The following SNCAIP variants were observed in gnomAD, a reference collection of about 807,000 sequenced individuals.
SNCAIP encodes the protein synuclein alpha interacting protein.
Under a neutral mutation model 86.7 loss-of-function variants are expected in SNCAIP, and 43 were observed. The ratio of observed to expected loss-of-function variants is 0.50; its 90% confidence interval spans 0.39 to 0.64. The LOEUF (loss-of-function observed/expected upper bound fraction) is 0.64, where lower values mean the gene tolerates loss of function less well. Among genes scored for constraint, SNCAIP ranks in the 30% least tolerant of loss-of-function variants. The pLI, the probability that SNCAIP is intolerant of heterozygous loss-of-function variation, is 0.00. For missense variants in SNCAIP, 981 were observed against 1,103.1 expected (o/e 0.89, Z 1.57); for synonymous variants, 417 against 427.2 (o/e 0.98, Z 0.29).
At chr5:122,378,477 T>C (rs1181667223) in intron 1 of SNCAIP, among the ~76,000 whole-genome samples, 7 of 141,566 alleles carry the variant, frequency 4.9e-5, no homozygotes, top group Non-Finnish European at 7.7e-5. Flanking sequence ...AAATTTTCTC[T>C]CATTTTGTAG....
At chr5:122,338,104 A>G (rs575878724) in intron 1 of SNCAIP, among the ~76,000 whole-genome samples, 1 of 152,334 alleles carries the variant, frequency 6.6e-6, no homozygotes, top group South Asian at 2.1e-4. Flanking sequence ...TCAAGCAACT[A>G]TTACTTTATT....
chr5:122,414,202 C>G (rs373006335), intron 3 of SNCAIP, among the ~76,000 whole-genome samples: 1 of 152,080 alleles, frequency 6.6e-6, no homozygotes, highest in Non-Finnish European at 1.5e-5. Context: ...AGCCAGTGCG[C>G]CCAGCCAAGA....
At chr5:122,430,122 A>G (rs1778126192) in intron 5 of SNCAIP, among the ~76,000 whole-genome samples, 1 of 152,202 alleles carries the variant, frequency 6.6e-6, no homozygotes, top group Non-Finnish European at 1.5e-5. Flanking sequence ...GAATGAGCAG[A>G]TTACCTCATT....
rs138617765 is a variant in SNCAIP at position 122,342,822 on chromosome 5, A to G, written c.-47+30538A>G. On this transcript the variant is annotated intron_variant, in intron 1 of 10. Transcript: ENST00000261368. ...GCTTCCTTTTTTGTCACTCGTTTTC[A>G]TGGTGACAGTGGGATAAGAAGGCAT... 1.1e-4 allele frequency among the ~76,000 whole-genome samples: 17 copies of G among 152,304 alleles called. No individual in the cohort carries two copies. In the East Asian group the frequency reaches 3.3e-3, roughly 29 times the overall value.
intron 1 of SNCAIP, among the ~76,000 whole-genome samples, chr5:122,320,911 C>G (rs1752785771): frequency 6.6e-6 from 1 of 152,180 alleles, no homozygotes; most frequent in Non-Finnish European, 1.5e-5. Flanking sequence ...CAGGCAAGCA[C>G]AACTCAGAAA....
At chr5:122,428,591 TTTTA>T (rs1274592591) in intron 5 of SNCAIP, among the ~76,000 whole-genome samples, 1 of 151,862 alleles carries the variant, frequency 6.6e-6, no homozygotes, top group East Asian at 1.9e-4. Flanking sequence ...TACCTTTTAT[TTTTA>T]TTTATTTATT....
At chr5:122,414,096 G>A (rs948483493) in intron 3 of SNCAIP, among the ~76,000 whole-genome samples, 2 of 152,046 alleles carry the variant, frequency 1.3e-5, no homozygotes, top group African/African-American at 2.4e-5. Flanking sequence ...TCTTTGTAGA[G>A]ATGAGGATCT....
At chr5:122,435,635 AG>A (rs1779279618) in intron 6 of SNCAIP, among the ~76,000 whole-genome samples, 1 of 152,034 alleles carries the variant, frequency 6.6e-6, no homozygotes, top group South Asian at 2.1e-4. Context: ...TATTTTCTGT[AG>A]TTTAAATATT....
chr5:122,348,396 C>T (rs1177950505), intron 1 of SNCAIP, among the ~76,000 whole-genome samples: 3 of 152,060 alleles, frequency 2.0e-5, no homozygotes, highest in Admixed American at 2.0e-4. Context: ...CTGCCCTCAT[C>T]GTCTGAGTCC....
intron 2 of SNCAIP, among the ~76,000 whole-genome samples, chr5:122,395,076 C>T (rs1770308507): frequency 6.6e-6 from 1 of 152,130 alleles, no homozygotes; most frequent in African/African-American, 2.4e-5. Flanking sequence ...CCCTGATTGG[C>T]ACTGTAGTGA....
rs878997767 is a variant in SNCAIP, at chr5:122,452,757, T to G, written c.2754+1156T>G. On this transcript the variant is annotated intron_variant, in intron 10 of 10. Coordinates refer to ENST00000261368, the MANE Select transcript of SNCAIP (RefSeq NM_005460.4). ...CAGGTAACTTACTGGGTTCTGCTGC[T>G]CAGTAGTAACAGAAGAATCATCTCA... is the stretch of plus-strand genomic sequence containing the variant. Among the ~76,000 whole-genome samples the G allele has an allele frequency of 2.6e-5, 4 of 152,296 alleles. No homozygotes were observed. In the South Asian group the frequency reaches 8.3e-4, roughly 32 times the overall value.
intron 1 of SNCAIP, among the ~76,000 whole-genome samples, chr5:122,382,070 T>C (rs1481108597): frequency 6.6e-6 from 1 of 152,198 alleles, no homozygotes; most frequent in African/African-American, 2.4e-5. Context: ...CTGTATTTCC[T>C]TAATTTGAAT....
intron 1 of SNCAIP, among the ~76,000 whole-genome samples, chr5:122,354,566 C>T (rs1561566569): frequency 6.6e-6 from 1 of 152,164 alleles, no homozygotes; most frequent in Non-Finnish European, 1.5e-5. Context: ...TGCAACTTTT[C>T]AGCAAAGGCA....
intron 1 of SNCAIP, among the ~76,000 whole-genome samples, chr5:122,352,214 A>T (rs758812376): frequency 6.6e-6 from 1 of 152,226 alleles, no homozygotes; most frequent in Non-Finnish European, 1.5e-5. Flanking sequence ...ATCAAAAAAG[A>T]TGACACCACT....
At chr5:122,417,175 T>G (rs1303958438) in intron 3 of SNCAIP, among the ~76,000 whole-genome samples, 1 of 152,222 alleles carries the variant, frequency 6.6e-6, no homozygotes, top group Admixed American at 6.5e-5. Context: ...AACAGCAAAC[T>G]GTCCATTATC....
chr5:122,459,410 C>G (rs1379402244), intron 10 of SNCAIP, among the ~76,000 whole-genome samples: 1 of 152,090 alleles, frequency 6.6e-6, no homozygotes, highest in Admixed American at 6.5e-5. Context: ...CAATTTTGGT[C>G]ACTCAGAATG....
intron 1 of SNCAIP, among the ~76,000 whole-genome samples, chr5:122,355,991 T>G (rs915158442): frequency 6.6e-6 from 1 of 152,130 alleles, no homozygotes; most frequent in Non-Finnish European, 1.5e-5. Context: ...CAGAATAACT[T>G]TTTCTGAAGG....
chr5:122,368,879 G>A (rs926825128), intron 1 of SNCAIP, among the ~76,000 whole-genome samples: 10 of 152,190 alleles, frequency 6.6e-5, no homozygotes, highest in Non-Finnish European at 1.3e-4. Context: ...AGAGAGAATT[G>A]AAAATAGCTG....
chr5:122,393,094 A>G (rs1364933976), intron 2 of SNCAIP, among the ~76,000 whole-genome samples: 1 of 152,230 alleles, frequency 6.6e-6, no homozygotes, highest in East Asian at 1.9e-4. Flanking sequence ...TTGAGTGTCT[A>G]TAACTTGACC....
Sources: gnomAD v4.1 joint callset for allele counts (sites outside exome capture counted in the v4.1 genomes callset) on GRCh38, gnomAD v4.1.1 for gene constraint, MANE v1.5 for transcripts, NCBI Gene and HGNC (gene_info 2026-07-23, HGNC 2026-07-21) for gene names.